UGT1A5: variants seen among roughly 807,000 people sequenced by gnomAD.
UGT1A5 encodes UDP glucuronosyltransferase family 1 member A5.
Under a neutral mutation model 40.3 loss-of-function variants are expected in UGT1A5, and 29 were observed. The observed-to-expected ratio is 0.72, with a 90% CI of 0.54 to 0.98. The LOEUF (loss-of-function observed/expected upper bound fraction) is 0.98. Among genes scored for constraint, UGT1A5 ranks in the 50% least tolerant of loss-of-function variants. The probability of loss-of-function intolerance (pLI) is 0.00; values close to 1 mark genes in which losing one functional copy is unlikely to be tolerated. For missense variants in UGT1A5, 678 were observed against 677.9 expected (o/e 1.00, Z 0.00); for synonymous variants, 257 against 262.5 (o/e 0.98, Z 0.20).
Position 233,757,147 on chromosome 2 carries a change from C to T in UGT1A5, c.868-9887C>T, listed in dbSNP as rs1696419707. Among the ~76,000 whole-genome samples, 3 of 151,258 alleles carry T rather than the reference C, an allele frequency of 2.0e-5. No individual in the cohort carries two copies. The South Asian group carries it at 6.3e-4, about 32-fold the overall frequency. Reference sequence around the variant, plus strand: ...GGAGGAATGAGCTTGGACAGGTGGGCTGGGGTCTATCCCAGAGTTTTGAGA... The same window carrying T: ...GGAGGAATGAGCTTGGACAGGTGGGTTGGGGTCTATCCCAGAGTTTTGAGA... On this transcript the variant is annotated intron_variant, in intron 1 of 4. Transcript: ENST00000373414.
intron 1 of UGT1A5, chr2:233,743,758 G>A (rs761738753): frequency 1.5e-6 from 2 of 1,367,328 alleles, no homozygotes; most frequent in South Asian, 2.3e-5. Context: ...ACAACACCTC[G>A]TAGGCCTCGG....
chr2:233,716,785 T>C (rs1675304459), intron 1 of UGT1A5, among the ~76,000 whole-genome samples: 1 of 152,184 alleles, frequency 6.6e-6, no homozygotes, highest in South Asian at 2.1e-4. Context: ...GCTTTCGGGA[T>C]GCCTTTTTCT....
chr2:233,729,131 C>T, intron 1 of UGT1A5: 1 of 1,613,182 alleles, frequency 6.2e-7, no homozygotes, highest in Non-Finnish European at 8.5e-7. Flanking sequence ...GCTGAGATGG[C>T]CACAGGACTC....
Position 233,772,366 on chromosome 2 carries a change from G to T in UGT1A5, c.1412G>T (p.Gly471Val). Residue 471 changes from glycine (G) to valine (V), a missense_variant, in exon 5 of 5, where the codon GGC (glycine) becomes GTC (valine). Physicochemically the swap from Gly to Val is moderately radical, Grantham distance 109. Transcript: ENST00000373414. ...GTGGAGTTTGTGATGAGGCACAAGG[G>T]CGCGCCACACCTGCGCCCCGCAGCC... ...FWVEFVMRHK[G>V]APHLRPAAHD... The T allele has an allele frequency of 6.2e-7, 1 of 1,614,234 alleles. No individual in the cohort carries two copies. The highest frequency in any genetic ancestry group is 8.5e-7 in the Non-Finnish European group (1 of 1,180,048).
chr2:233,755,141 C>A lies in UGT1A5; in HGVS notation c.868-11893C>A. On this transcript the variant is annotated intron_variant, in intron 1 of 4. Coordinates refer to ENST00000373414, the MANE Select transcript of UGT1A5 (RefSeq NM_019078.2). ...CCTCAGCCACCTGCTTGAATCTTCT[C>A]ACCGCTTCCTCCCTGTCCTCGGGGT... 4 of 1,309,666 alleles carry A rather than the reference C, an allele frequency of 3.1e-6. No homozygotes were observed. In the South Asian group the frequency reaches 4.6e-5, roughly 15 times the overall value. 81.1% of individuals were successfully genotyped at this position (1,309,666 alleles called of 1,614,324 possible). A position where few individuals can be genotyped will look rare whatever the true frequency, so the allele number is the denominator to read the frequency against.
At chr2:233,725,764 C>G (rs1373965651) in intron 1 of UGT1A5, among the ~76,000 whole-genome samples, 2 of 152,148 alleles carry the variant, frequency 1.3e-5, no homozygotes, top group Admixed American at 1.3e-4. Context: ...ACATTTTCTT[C>G]ACATAGTTTG....
chr2:233,753,719 T>C (rs1290190977), intron 1 of UGT1A5: 1 of 152,208 alleles, frequency 6.6e-6, no homozygotes, highest in Non-Finnish European at 1.5e-5. Flanking sequence ...TCAACCTAAT[T>C]TGATATGCCC....
chr2:233,719,883 T>G (rs871514), intron 1 of UGT1A5, among the ~76,000 whole-genome samples: 1 of 151,918 alleles, frequency 6.6e-6, no homozygotes, highest in Non-Finnish European at 1.5e-5. Context: ...GAGGCACGGA[T>G]GAGGGTCTGT....
intron 1 of UGT1A5, chr2:233,742,016 C>T (rs115965783): frequency 0.01 from 1,533 of 152,008 alleles, 58 homozygotes; most frequent in African/African-American, 0.035. Context: ...CTTTCATCAA[C>T]CTAATTTGAT....
Position 233,760,912 on chromosome 2 carries a change from C to G in UGT1A5, c.868-6122C>G, listed in dbSNP as rs72551343. On this transcript the variant is annotated intron_variant, in intron 1 of 4. Transcript: ENST00000373414. ...TTCAGATCACATGACCTTCCTGCAG[C>G]GGGTGAAGAACATGCTCATTGCCTT... The G allele has an allele frequency of 6.2e-7, 1 of 1,614,070 alleles. No individual in the cohort carries two copies. The highest frequency in any genetic ancestry group is 1.3e-5 in the African/African-American group (1 of 74,930).
chr2:233,713,068 C>T lies in UGT1A5; in HGVS notation c.77C>T (p.Ala26Val), dbSNP rs2076275165. The T allele has an allele frequency of 6.2e-7, 1 of 1,614,140 alleles. No individual in the cohort carries two copies. The highest frequency in any genetic ancestry group is 1.1e-5 in the South Asian group (1 of 91,070). ...CTTCTCCTCAGTGTCCAGCCCTGGGCTGAGAGTGGGAAGGTGCTGGTGGTG... is the reference window on the plus strand; with the variant it reads ...CTTCTCCTCAGTGTCCAGCCCTGGGTTGAGAGTGGGAAGGTGCTGGTGGTG... ...LLLLLSVQPW[A>V]ESGKVLVVPT... Residue 26 changes from alanine (A) to valine (V), a missense_variant, in exon 1 of 5, where the codon GCT becomes GTT. By Grantham distance (64) the Ala-to-Val change is moderately conservative (BLOSUM62 0). Coordinates refer to ENST00000373414, the MANE Select transcript of UGT1A5 (RefSeq NM_019078.2).
chr2:233,721,025 C>T (rs945783424), intron 1 of UGT1A5, among the ~76,000 whole-genome samples: 6 of 152,028 alleles, frequency 3.9e-5, no homozygotes, highest in Non-Finnish European at 8.8e-5. Flanking sequence ...AGCCATCTTT[C>T]TTGTGAGAGA....
chr2:233,725,586 A>C (rs1194596370), intron 1 of UGT1A5, among the ~76,000 whole-genome samples: 1 of 152,166 alleles, frequency 6.6e-6, no homozygotes, highest in Non-Finnish European at 1.5e-5. Flanking sequence ...TTATGACTTA[A>C]CTATTTGACA....
At chr2:233,727,474 C>A (rs2077619427) in intron 1 of UGT1A5, among the ~76,000 whole-genome samples, 1 of 152,182 alleles carries the variant, frequency 6.6e-6, no homozygotes, top group Non-Finnish European at 1.5e-5. Context: ...AAATAAAACA[C>A]TACTACTTGG....
At chr2:233,724,799 C>T (rs559235136) in intron 1 of UGT1A5, among the ~76,000 whole-genome samples, 7 of 139,258 alleles carry the variant, frequency 5.0e-5, no homozygotes, top group Non-Finnish European at 1.1e-4. Flanking sequence ...GACGGGGTGG[C>T]GGCCGGGCAG....
Position 233,713,035 on chromosome 2 carries a change from G to T in UGT1A5, c.44G>T (p.Gly15Val). Residue 15 changes from glycine (G) to valine (V), a missense_variant, in exon 1 of 5, where the codon GGA becomes GTA. Physicochemically the swap from Gly to Val is moderately radical, Grantham distance 109. Coordinates refer to ENST00000373414, the MANE Select transcript of UGT1A5 (RefSeq NM_019078.2). ...GTTCCCCTGCCGCAGCTGGCCACAG[G>T]ACTGCTGCTTCTCCTCAGTGTCCAG... is the stretch of plus-strand genomic sequence containing the variant. Reference protein sequence around the residue: ...LQVPLPQLATGLLLLLSVQPW... With the variant: ...LQVPLPQLATVLLLLLSVQPW... 6.2e-7 allele frequency: 1 copy of T among 1,613,988 alleles called. No homozygotes were observed. Among genetic ancestry groups the T allele is most frequent in the Non-Finnish European group, 8.5e-7 (1 of 1,180,040 alleles).
In UGT1A5 at chr2:233,714,350, G is replaced by A. The variant is rs530414366; in HGVS notation, c.867+492G>A. Among the ~76,000 whole-genome samples the A allele has an allele frequency of 6.6e-5, 10 of 152,326 alleles. No homozygotes were observed. The East Asian group carries it at 9.6e-4, about 15-fold the overall frequency. On this transcript the variant is annotated intron_variant, in intron 1 of 4. Transcript: ENST00000373414. ...GACCTAAGCACTCAGAGGAAGTAGAGGTTTCAAAGAAGTTGACTCAGTTCA... is the reference window on the plus strand; with the variant it reads ...GACCTAAGCACTCAGAGGAAGTAGAAGTTTCAAAGAAGTTGACTCAGTTCA...
chr2:233,726,853 CAT>C (rs1443656538), intron 1 of UGT1A5, among the ~76,000 whole-genome samples: 1 of 152,180 alleles, frequency 6.6e-6, no homozygotes, highest in Non-Finnish European at 1.5e-5. Context: ...TCCTTTTCTC[CAT>C]AGTCTTCTAT....
chr2:233,718,709 A>T, intron 1 of UGT1A5: 1 of 1,605,752 alleles, frequency 6.2e-7, no homozygotes, highest in African/African-American at 1.3e-5. Context: ...TTGTCTTCCA[A>T]TTACATGCTG....
Sources: allele counts gnomAD v4.1 joint callset (sites outside exome capture counted in the v4.1 genomes callset), GRCh38; gene constraint gnomAD v4.1.1; transcripts MANE v1.5; gene names NCBI Gene and HGNC (gene_info 2026-07-23, HGNC 2026-07-21).